Variants in FBXO4 observed in about 807,000 individuals in gnomAD.
The protein encoded by FBXO4 is F-box protein 4, also known as F-box only protein 4.
FBXO4 carries 36 observed loss-of-function variants against 43.7 expected under a neutral mutation model. That is an observed-to-expected ratio of 0.82 (90% CI 0.63 to 1.09). FBXO4 has a LOEUF of 1.09. Among genes scored for constraint, FBXO4 ranks in the 50% least tolerant of loss-of-function variants. The probability of loss-of-function intolerance (pLI) is 0.00; values close to 1 mark genes in which losing one functional copy is unlikely to be tolerated. For synonymous variants in FBXO4, 180 were observed against 165.6 expected (o/e 1.09, Z -0.67); for missense variants, 435 against 474.1 (o/e 0.92, Z 0.77).
chr5:41,954,747 T>C, the FBXO4 span, among the ~76,000 whole-genome samples: 47 of 152,178 alleles, frequency 3.1e-4, no homozygotes, highest in Non-Finnish European at 1.2e-4. Context: ...GATGCATATG[T>C]TTAGCTGAAG....
At chr5:42,010,507 C>CA in the FBXO4 span, among the ~76,000 whole-genome samples, 1,264 of 106,332 alleles carry the variant, frequency 0.012, 15 homozygotes, top group African/African-American at 0.03. Flanking sequence ...GCCTCCATCT[C>CA]AAAAAAAAAA....
the FBXO4 span, among the ~76,000 whole-genome samples, chr5:42,029,409 T>G: frequency 6.6e-6 from 1 of 152,000 alleles, no homozygotes; most frequent in East Asian, 1.9e-4. Flanking sequence ...ATTATTAAAT[T>G]CGTTGAGGTG....
chr5:42,036,266 A>G, the FBXO4 span, among the ~76,000 whole-genome samples: 2 of 151,774 alleles, frequency 1.3e-5, no homozygotes, highest in Non-Finnish European at 2.9e-5. Flanking sequence ...GTATGTGAGG[A>G]AAATGGACAA....
the FBXO4 span, among the ~76,000 whole-genome samples, chr5:41,969,811 G>A: frequency 4.9e-4 from 74 of 152,202 alleles, no homozygotes; most frequent in Admixed American, 1.2e-3. Context: ...ACACAAAAAT[G>A]TGCAGTCATG....
the FBXO4 span, among the ~76,000 whole-genome samples, chr5:41,982,719 T>TTTA: frequency 3.9e-5 from 6 of 152,024 alleles, no homozygotes; most frequent in Non-Finnish European, 7.4e-5. Flanking sequence ...AATTATGTAT[T>TTTA]TTATTATTAT....
chr5:42,011,856 G>GT, the FBXO4 span, among the ~76,000 whole-genome samples: 2 of 152,128 alleles, frequency 1.3e-5, no homozygotes, highest in African/African-American at 4.8e-5. Flanking sequence ...GACATTCCTT[G>GT]TTTTGGGAAG....
At position 41,941,285 on chromosome 5, in the gene FBXO4, T is replaced by C. The variant is rs1168858610; in HGVS notation, c.*4T>C. 6.2e-7 allele frequency: 1 copy of C among 1,610,972 alleles called. No homozygotes were observed. Among genetic ancestry groups the C allele is most frequent in the Non-Finnish European group, 8.5e-7 (1 of 1,177,404 alleles). On this transcript the variant is annotated 3_prime_UTR_variant, in exon 7 of 7. Coordinates refer to ENST00000281623, the MANE Select transcript of FBXO4 (RefSeq NM_012176.3). ...GGAATCTAAGCGTGCAAGATGATTC[T>C]CTTTTCAGATCTTGGGAACTGAAAC...
the FBXO4 span, among the ~76,000 whole-genome samples, chr5:41,991,899 A>G: frequency 6.6e-6 from 1 of 152,116 alleles, no homozygotes; most frequent in Non-Finnish European, 1.5e-5. Flanking sequence ...ACCAACATGG[A>G]GAAACCCCGT....
the FBXO4 span, among the ~76,000 whole-genome samples, chr5:41,992,775 A>T: frequency 0.011 from 1,668 of 152,360 alleles, 78 homozygotes; most frequent in Admixed American, 0.074. Context: ...CCTTCATCAA[A>T]TAAGTGATTT....
At chr5:41,926,411 A>C (rs987646999) in intron 1 of FBXO4, among the ~76,000 whole-genome samples, 1 of 152,166 alleles carries the variant, frequency 6.6e-6, no homozygotes, top group Non-Finnish European at 1.5e-5. Context: ...GTCTCTACTA[A>C]AAATATAAAA....
chr5:41,943,964 A>G (rs1752040387), downstream of FBXO4, among the ~76,000 whole-genome samples: 1 of 152,218 alleles, frequency 6.6e-6, no homozygotes. Context: ...GAAGGTGGCC[A>G]TCTGCAAGCC....
the FBXO4 span, among the ~76,000 whole-genome samples, chr5:41,969,038 T>C: frequency 1.1e-4 from 17 of 152,218 alleles, no homozygotes; most frequent in Admixed American, 1.1e-3. Flanking sequence ...TTTTTCTAAG[T>C]GCAAGCTCTT....
chr5:42,017,085 C>T, the FBXO4 span, among the ~76,000 whole-genome samples: 5 of 151,844 alleles, frequency 3.3e-5, no homozygotes, highest in East Asian at 1.9e-4. Context: ...TATAGTATAT[C>T]GTATATAGTA....
chr5:41,987,923 A>T, the FBXO4 span, among the ~76,000 whole-genome samples: 14 of 152,134 alleles, frequency 9.2e-5, no homozygotes, highest in East Asian at 2.5e-3. Flanking sequence ...TATTAATCAT[A>T]GTGGTTTTAA....
chr5:42,005,976 C>G, the FBXO4 span, among the ~76,000 whole-genome samples: 1 of 152,122 alleles, frequency 6.6e-6, no homozygotes. Context: ...AGCCCTGCCT[C>G]TCTTCCCCTC....
In FBXO4 at chr5:41,934,380, TTAC is replaced by T. The variant is rs746301247; in HGVS notation, c.898+74_898+76del. The T allele has an allele frequency of 1.9e-6, 3 of 1,592,588 alleles. No homozygotes were observed. In the Admixed American group the frequency reaches 5.2e-5, roughly 27 times the overall value. Reference sequence around the variant, plus strand: ...CAAATGGAAAATACCTTTTTAGACTTTACTGTGGCTTCTTAAGAATATGATGGC... The same window carrying T: ...CAAATGGAAAATACCTTTTTAGACTTTGTGGCTTCTTAAGAATATGATGGC... On this transcript the variant is annotated intron_variant, in intron 5 of 6. Coordinates refer to ENST00000281623, the MANE Select transcript of FBXO4 (RefSeq NM_012176.3).
chr5:41,963,318 G>A, the FBXO4 span, among the ~76,000 whole-genome samples: 36 of 151,392 alleles, frequency 2.4e-4, 1 homozygote, highest in African/African-American at 8.2e-4. Context: ...AAATACCTTC[G>A]GTGGTAGGAA....
At chr5:41,971,762 AATAG>A in the FBXO4 span, among the ~76,000 whole-genome samples, 2 of 152,264 alleles carry the variant, frequency 1.3e-5, no homozygotes, top group East Asian at 1.9e-4. Flanking sequence ...TAAAGGAAGA[AATAG>A]ATTGATTAAA....
chr5:42,031,586 G>A, the FBXO4 span, among the ~76,000 whole-genome samples: 3 of 151,440 alleles, frequency 2.0e-5, no homozygotes, highest in African/African-American at 4.8e-5. Context: ...TTGTGCACAT[G>A]TACCCTAAAA....
Sources: allele counts gnomAD v4.1 joint callset (sites outside exome capture counted in the v4.1 genomes callset), GRCh38; gene constraint gnomAD v4.1.1; transcripts MANE v1.5; gene names NCBI Gene and HGNC (gene_info 2026-07-23, HGNC 2026-07-21).